The following ATP8B4 variants were observed in gnomAD, a reference collection of about 807,000 sequenced individuals.
ATP8B4 encodes ATPase phospholipid transporting 8B4 (putative), also known as probable phospholipid-transporting ATPase IM.
In ATP8B4, 133 loss-of-function variants were observed where a neutral mutation model predicts 145.6. The ratio of observed to expected loss-of-function variants is 0.91; its 90% CI spans 0.79 to 1.05. The LOEUF is 1.05. ATP8B4 is among the 50% of genes least tolerant of loss of function. The pLI is 0.00. For missense variants in ATP8B4, 1,458 were observed against 1,425.2 expected (o/e 1.02, Z -0.37); for synonymous variants, 507 against 492.9 (o/e 1.03, Z -0.38).
chr15:49,958,007 A>G (rs1448341835), intron 14 of ATP8B4, among the ~76,000 whole-genome samples: 1 of 151,824 alleles, frequency 6.6e-6, no homozygotes, highest in Non-Finnish European at 1.5e-5. Flanking sequence ...TAACCTTATT[A>G]AGCCACAAAG....
intron 3 of ATP8B4, among the ~76,000 whole-genome samples, chr15:50,066,929 T>A (rs949826842): frequency 3.6e-4 from 55 of 152,138 alleles, no homozygotes; most frequent in Non-Finnish European, 1.5e-5. Flanking sequence ...CATAGGCACC[T>A]ACCATTAGAC....
chr15:49,959,974 T>C (rs2043919876), intron 14 of ATP8B4, among the ~76,000 whole-genome samples: 1 of 150,896 alleles, frequency 6.6e-6, no homozygotes, highest in Non-Finnish European at 1.5e-5. Context: ...AAAAGAGCAC[T>C]GAAAAACAAC....
chr15:50,079,239 A>G (rs189393015), intron 2 of ATP8B4, among the ~76,000 whole-genome samples: 1 of 152,222 alleles, frequency 6.6e-6, no homozygotes, highest in Non-Finnish European at 1.5e-5. Flanking sequence ...AAAATAAAAA[A>G]TTTTACAAAA....
chr15:49,946,434 A>G (rs1249832121), intron 14 of ATP8B4, among the ~76,000 whole-genome samples: 1 of 152,126 alleles, frequency 6.6e-6, no homozygotes. Flanking sequence ...CCACACACAA[A>G]CGGACTAAGC....
At chr15:50,116,285 G>C (rs1424708066) in intron 1 of ATP8B4, among the ~76,000 whole-genome samples, 1 of 152,118 alleles carries the variant, frequency 6.6e-6, no homozygotes, top group Non-Finnish European at 1.5e-5. Context: ...AATGGTCTGT[G>C]TGTTTGGATG....
At chr15:49,881,647 A>C (rs1427296773) in intron 23 of ATP8B4, among the ~76,000 whole-genome samples, 3 of 152,228 alleles carry the variant, frequency 2.0e-5, no homozygotes, top group Non-Finnish European at 4.4e-5. Flanking sequence ...GCAGTAGTCC[A>C]CTAGTCAGGC....
At chr15:50,145,739 A>G (rs763100811) in intron 1 of ATP8B4, among the ~76,000 whole-genome samples, 3 of 152,106 alleles carry the variant, frequency 2.0e-5, no homozygotes, top group Non-Finnish European at 4.4e-5. Context: ...CCAAGAAGAG[A>G]AAATGCTTGC....
At chr15:49,966,968 C>T (rs922883020) in intron 13 of ATP8B4, among the ~76,000 whole-genome samples, 1 of 152,196 alleles carries the variant, frequency 6.6e-6, no homozygotes, top group Non-Finnish European at 1.5e-5. Flanking sequence ...TGGTGATACT[C>T]AGGCAAACAG....
At chr15:50,147,071 T>C (rs532554651) in intron 1 of ATP8B4, among the ~76,000 whole-genome samples, 4 of 152,240 alleles carry the variant, frequency 2.6e-5, no homozygotes, top group South Asian at 2.1e-4. Flanking sequence ...CGCAAACTCT[T>C]TGGTGTTGGG....
chr15:49,997,229 C>T (rs544553994), intron 8 of ATP8B4, among the ~76,000 whole-genome samples: 1 of 152,180 alleles, frequency 6.6e-6, no homozygotes, highest in Admixed American at 6.5e-5. Context: ...CTTTCATTTT[C>T]TTAGAGAATC....
At chr15:49,944,282 A>T (rs537650199) in intron 14 of ATP8B4, among the ~76,000 whole-genome samples, 1 of 152,314 alleles carries the variant, frequency 6.6e-6, no homozygotes, top group South Asian at 2.1e-4. Context: ...GATTAAATGG[A>T]TTTTTAAAAA....
At chr15:49,980,098 A>G (rs1170417243) in intron 11 of ATP8B4, among the ~76,000 whole-genome samples, 1 of 152,132 alleles carries the variant, frequency 6.6e-6, no homozygotes, top group Non-Finnish European at 1.5e-5. Context: ...AGACTATGTA[A>G]CTTGTCTATG....
chr15:50,025,107 G>A (rs1182890078), intron 6 of ATP8B4, among the ~76,000 whole-genome samples: 3 of 152,144 alleles, frequency 2.0e-5, no homozygotes, highest in South Asian at 2.1e-4. Context: ...TAATTATTGC[G>A]TATCAACTGC....
chr15:49,942,711 G>C (rs2042255597), intron 14 of ATP8B4, among the ~76,000 whole-genome samples: 1 of 152,068 alleles, frequency 6.6e-6, no homozygotes, highest in South Asian at 2.1e-4. Context: ...TGTAGTCCCA[G>C]CTACTCGGGA....
intron 2 of ATP8B4, among the ~76,000 whole-genome samples, chr15:50,083,333 T>G (rs545236313): frequency 7.2e-6 from 1 of 139,758 alleles, no homozygotes; most frequent in African/African-American, 2.9e-5. Flanking sequence ...CTACATTCTT[T>G]TACAATTAGA....
Position 49,860,249 on chromosome 15 carries a change from T to C in ATP8B4, c.3524A>G (p.Lys1175Arg), listed in dbSNP as rs779993189. ...GCTGCTCACGGTGTCTGTGGTTTTCTTACATAAATTTTCAATCCAGCTAGT... is the reference window on the plus strand; with the variant it reads ...GCTGCTCACGGTGTCTGTGGTTTTCCTACATAAATTTTCAATCCAGCTAGT... The part of the protein sequence containing the change: ...NSTSWIENLC[K>R]KTTDTVSSFS... Residue 1175 changes from lysine to arginine, a missense_variant, in exon 28 of 28, where the codon AAG becomes AGG. Lys to Arg is a conservative substitution (Grantham distance 26). Coordinates refer to ENST00000284509, the MANE Select transcript of ATP8B4 (RefSeq NM_024837.4). 6.2e-7 allele frequency: 1 copy of C among 1,614,174 alleles called. No homozygotes were observed. The highest frequency in any genetic ancestry group is 2.2e-5 in the East Asian group (1 of 44,886).
intron 3 of ATP8B4, among the ~76,000 whole-genome samples, chr15:50,058,649 G>C (rs978251683): frequency 6.6e-6 from 1 of 152,120 alleles, no homozygotes; most frequent in East Asian, 1.9e-4. Context: ...AACCTCTAAG[G>C]ATCAGATGGA....
intron 1 of ATP8B4, among the ~76,000 whole-genome samples, chr15:50,173,673 C>T (rs535558121): frequency 1.1e-3 from 166 of 151,742 alleles, no homozygotes; most frequent in African/African-American, 3.8e-3. Context: ...TCCCCCTCTC[C>T]GAGAAACACC....
chr15:49,905,119 A>T (rs1014464653), intron 20 of ATP8B4, among the ~76,000 whole-genome samples: 11 of 152,360 alleles, frequency 7.2e-5, no homozygotes, highest in African/African-American at 2.6e-4. Flanking sequence ...AGGCAGCTAC[A>T]GCAGCAAAAT....
Sources: gnomAD v4.1 joint callset for allele counts (sites outside exome capture counted in the v4.1 genomes callset) on GRCh38, gnomAD v4.1.1 for gene constraint, MANE v1.5 for transcripts, NCBI Gene and HGNC (gene_info 2026-07-23, HGNC 2026-07-21) for gene names.